Variants in FAM47E observed in about 807,000 individuals in gnomAD.
The protein encoded by FAM47E is family with sequence similarity 47 member E, also known as protein FAM47E.
A neutral mutation model predicts 41.6 loss-of-function variants in FAM47E; 32 were observed. That is an observed-to-expected ratio of 0.77 (90% CI 0.58 to 1.03). The LOEUF (loss-of-function observed/expected upper bound fraction) is 1.03. Ranked by LOEUF, FAM47E falls within the 50% of genes least tolerant of loss-of-function variation. FAM47E has a pLI of 0.00. For synonymous variants in FAM47E, 184 were observed against 188.7 expected, an observed-to-expected ratio of 0.98 and a Z score of 0.20; for missense variants, 424 against 485.4, an observed-to-expected ratio of 0.87 and a Z score of 1.19.
intron 2 of FAM47E, among the ~76,000 whole-genome samples, chr4:76,225,328 A>G (rs1733376695): frequency 6.6e-6 from 1 of 152,262 alleles, no homozygotes; most frequent in Non-Finnish European, 1.5e-5. Context: ...GTATATGATC[A>G]TATCATCAGC....
intron 2 of FAM47E, among the ~76,000 whole-genome samples, chr4:76,223,090 C>T (rs188847456): frequency 6.6e-6 from 1 of 152,296 alleles, no homozygotes; most frequent in East Asian, 1.9e-4. Context: ...TTTGTGGGGG[C>T]TGGTAGCAGA....
intron 2 of FAM47E, among the ~76,000 whole-genome samples, chr4:76,262,283 A>AT (rs1734451545): frequency 6.6e-6 from 1 of 152,228 alleles, no homozygotes; most frequent in Admixed American, 6.5e-5. Flanking sequence ...ATTTACTATG[A>AT]TGCAAGACTT....
rs147872670 is a variant in FAM47E at position 76,277,354 on chromosome 4, T to C, written c.871-715T>C. ...CAAAAAAATTAGCCGGGCATGGTGG[T>C]GGGCGCCTGTAGTCCCAGCTACTTG... On this transcript the variant is annotated intron_variant, in intron 5 of 7. Transcript: ENST00000424749. 4.6e-3 allele frequency among the ~76,000 whole-genome samples: 706 copies of C among 151,946 alleles called. 3 individuals are homozygous for C. The highest frequency in any genetic ancestry group is 7.8e-3 in the Non-Finnish European group (528 of 67,960).
intron 6 of FAM47E, 192 bp from the exon 7 acceptor site, chr4:76,280,072 G>C (rs995661684): frequency 8.9e-6 from 4 of 447,478 alleles, no homozygotes; most frequent in African/African-American, 8.0e-5. Context: ...CTAGGGGAAG[G>C]AGAGAAAGCT....
Position 76,280,249 on chromosome 4 carries a change from T to C in FAM47E, c.1027-15T>C, listed in dbSNP as rs1189911095. Reference sequence around the variant, plus strand: ...GATGGCTGACCCCTTTCTTCAAATGTGGGTACTCTTTTAGGAGGAGTTACT... The same window carrying C: ...GATGGCTGACCCCTTTCTTCAAATGCGGGTACTCTTTTAGGAGGAGTTACT... On this transcript the variant is annotated splice_polypyrimidine_tract_variant and intron_variant, in intron 6 of 7. Transcript: ENST00000424749. 5 of 1,518,210 alleles carry C rather than the reference T, an allele frequency of 3.3e-6. No individual in the cohort carries two copies. Among genetic ancestry groups the C allele is most frequent in the Non-Finnish European group, 4.5e-6 (5 of 1,119,450 alleles). 94.0% of individuals were successfully genotyped at this position (1,518,210 alleles called of 1,614,324 possible).
chr4:76,230,117 G>C (rs932088616), intron 2 of FAM47E, among the ~76,000 whole-genome samples: 17 of 152,116 alleles, frequency 1.1e-4, no homozygotes, highest in African/African-American at 4.1e-4. Flanking sequence ...TTTTGTGATT[G>C]GCTATTGGGA....
intron 2 of FAM47E, among the ~76,000 whole-genome samples, chr4:76,261,012 G>A (rs975741698): frequency 2.0e-5 from 3 of 150,704 alleles, no homozygotes; most frequent in African/African-American, 7.3e-5. Context: ...CAAAGGACAT[G>A]AACAGCCACT....
chr4:76,217,427 G>A (rs954785956), intron 1 of FAM47E, among the ~76,000 whole-genome samples: 4 of 152,188 alleles, frequency 2.6e-5, no homozygotes, highest in African/African-American at 9.7e-5. Context: ...CCTGAGGAGA[G>A]ATTGTTCATG....
intron 2 of FAM47E, among the ~76,000 whole-genome samples, chr4:76,226,628 C>A (rs1733403703): frequency 6.6e-6 from 1 of 152,116 alleles, no homozygotes; most frequent in African/African-American, 2.4e-5. Context: ...GGACATGTTC[C>A]AAGACTCTTC....
chr4:76,232,425 G>A (rs1733509451), intron 2 of FAM47E, among the ~76,000 whole-genome samples: 1 of 152,102 alleles, frequency 6.6e-6, no homozygotes, highest in African/African-American at 2.4e-5. Context: ...CTCTTGAAAA[G>A]GATTAAAACA....
chr4:76,240,331 G>C (rs1431965908), intron 2 of FAM47E, among the ~76,000 whole-genome samples: 1 of 152,086 alleles, frequency 6.6e-6, no homozygotes, highest in Non-Finnish European at 1.5e-5. Flanking sequence ...AAAATTTTCT[G>C]TCTCCAGCTT....
At chr4:76,225,188 C>G (rs910067496) in intron 2 of FAM47E, among the ~76,000 whole-genome samples, 1 of 152,166 alleles carries the variant, frequency 6.6e-6, no homozygotes, top group East Asian at 1.9e-4. Flanking sequence ...TCCACTCGCA[C>G]TCGTTGGCAC....
At chr4:76,247,901 ACTCTCT>A (rs764557088), upstream of FAM47E, among the ~76,000 whole-genome samples, 1 of 112,248 alleles carries the variant, frequency 8.9e-6, no homozygotes. Flanking sequence ...TTATCTTTTC[ACTCTCT>A]CTCTTTTTTT....
upstream of FAM47E, among the ~76,000 whole-genome samples, chr4:76,251,207 G>A (rs978490627): frequency 6.6e-6 from 1 of 152,128 alleles, no homozygotes; most frequent in African/African-American, 2.4e-5. Flanking sequence ...CAACACAGGA[G>A]CTGGAAGGGC....
Position 76,283,718 on chromosome 4 carries a change from C to A in FAM47E, c.*260C>A. On this transcript the variant is annotated 3_prime_UTR_variant, in exon 8 of 8. Transcript: ENST00000424749. Reference sequence around the variant, plus strand: ...ATGTAATCTTCTCATATTTTTGTGGCACGTGAATATTATATAGGTATATCA... The same window carrying A: ...ATGTAATCTTCTCATATTTTTGTGGAACGTGAATATTATATAGGTATATCA... 3.0e-6 allele frequency: 1 copy of A among 333,640 alleles called. No homozygotes were observed. Among genetic ancestry groups the A allele is most frequent in the Non-Finnish European group, 5.6e-6 (1 of 179,708 alleles). The allele number at this position is 333,640 out of a possible 1,614,324, so 20.7% of individuals were successfully genotyped here.
upstream of FAM47E, among the ~76,000 whole-genome samples, chr4:76,249,098 C>T (rs189607972): frequency 5.3e-5 from 8 of 152,100 alleles, no homozygotes; most frequent in East Asian, 1.9e-4. Context: ...CATGGTGGTA[C>T]GTGCCTGTAA....
chr4:76,274,032 G>A lies in FAM47E; in HGVS notation c.870+2264G>A, dbSNP rs564317206. 1.3e-4 allele frequency among the ~76,000 whole-genome samples: 20 copies of A among 152,152 alleles called. No homozygotes were observed. The East Asian group carries it at 3.7e-3, about 28-fold the overall frequency. The stretch of plus-strand genomic sequence containing the variant: ...ACATAGTTATAACAATTGCTGTGAT[G>A]GCATTGTTTACTGATTCTAACATCT... On this transcript the variant is annotated intron_variant, in intron 5 of 7. Transcript: ENST00000424749.
At chr4:76,264,191 C>T (rs1734535115) in intron 3 of FAM47E, among the ~76,000 whole-genome samples, 1 of 152,044 alleles carries the variant, frequency 6.6e-6, no homozygotes, top group Non-Finnish European at 1.5e-5. Context: ...CTCAGCATGC[C>T]AAAGCACCAT....
intron 2 of FAM47E, among the ~76,000 whole-genome samples, chr4:76,261,716 G>C (rs932501246): frequency 6.6e-6 from 1 of 151,812 alleles, no homozygotes; most frequent in African/African-American, 2.4e-5. Flanking sequence ...CTACCTATGG[G>C]GTACTATGTT....
Sources: allele counts gnomAD v4.1 joint callset (sites outside exome capture counted in the v4.1 genomes callset), GRCh38; gene constraint gnomAD v4.1.1; transcripts MANE v1.5; gene names NCBI Gene and HGNC (gene_info 2026-07-23, HGNC 2026-07-21).